The following DIPK1A variants were observed in gnomAD, a reference collection of about 807,000 sequenced individuals.
DIPK1A encodes the protein family with sequence similarity 69 member A.
DIPK1A carries 27 observed loss-of-function variants against 40.8 expected under a neutral mutation model. The observed-to-expected ratio is 0.66, with a 90% CI of 0.49 to 0.91. DIPK1A has a LOEUF of 0.91. DIPK1A is among the 40% of genes least tolerant of loss of function. DIPK1A has a pLI of 0.00. For synonymous variants in DIPK1A, 166 were observed against 171.3 expected (o/e 0.97, Z 0.24); for missense variants, 412 against 505.7 (o/e 0.81, Z 1.78).
chr1:92,843,270 G>T lies in DIPK1A; in HGVS notation c.*113C>A, dbSNP rs762574479. On this transcript the variant is annotated 3_prime_UTR_variant, in exon 5 of 5. Transcript: ENST00000370310. ...ACATACTGATGGCTTCTCAGGCCTG[G>T]GGGGAAGGAGTTTTGTGTAACTGGC... 24 of 1,450,914 alleles carry T rather than the reference G, an allele frequency of 1.7e-5. No individual in the cohort carries two copies. Among genetic ancestry groups the T allele is most frequent in the Non-Finnish European group, 1.6e-5 (18 of 1,103,156 alleles). 89.9% of individuals were successfully genotyped at this position (1,450,914 alleles called of 1,614,324 possible).
intron 2 of DIPK1A, among the ~76,000 whole-genome samples, chr1:92,859,070 C>A (rs554365611): frequency 6.6e-6 from 1 of 152,260 alleles, no homozygotes; most frequent in Admixed American, 6.5e-5. Flanking sequence ...TTTGACGAAA[C>A]CCACCCGAGT....
At chr1:92,858,255 C>CT (rs1408402568) in intron 2 of DIPK1A, among the ~76,000 whole-genome samples, 1 of 152,196 alleles carries the variant, frequency 6.6e-6, no homozygotes, top group Non-Finnish European at 1.5e-5. Flanking sequence ...AAACATGACT[C>CT]TTTCCACAAC....
chr1:92,945,200 T>C (rs1350973719), intron 1 of DIPK1A, among the ~76,000 whole-genome samples: 2 of 151,024 alleles, frequency 1.3e-5, no homozygotes, highest in South Asian at 2.1e-4. Context: ...CCACAGAATA[T>C]GAAATATAAG....
Position 92,927,364 on chromosome 1 carries a change from G to T in DIPK1A, c.54+34012C>A, listed in dbSNP as rs113539011. ...TGCATGCCACCATGCCAATTTTGTT[G>T]TTTTTTTTTTTTTTTTTTTTTTTGC... On this transcript the variant is annotated intron_variant, in intron 1 of 4. Transcript: ENST00000370310. Among the ~76,000 whole-genome samples the T allele has an allele frequency of 6.7e-3, 703 of 104,540 alleles. 17 individuals are homozygous for T. The highest frequency in any genetic ancestry group is 0.02 in the South Asian group (48 of 2,414). The allele number at this position is 104,540 out of a possible 152,430, so 68.6% of individuals were successfully genotyped here.
chr1:92,946,858 C>A (rs1422864475), intron 1 of DIPK1A, among the ~76,000 whole-genome samples: 1 of 151,574 alleles, frequency 6.6e-6, no homozygotes, highest in Admixed American at 6.6e-5. Flanking sequence ...GTGGGAGGAT[C>A]TCCCGAGCCT....
rs1239057962 is a variant in DIPK1A, at chr1:92,881,884, A to C, written c.55-5454T>G. On this transcript the variant is annotated intron_variant, in intron 1 of 4. Transcript: ENST00000370310. ...TTCTTCTCTTAATTTTCTATAACAA[A>C]TATGTATTACTTTTTTAGTTAGAAA... Among the ~76,000 whole-genome samples, 4 of 152,160 alleles carry C rather than the reference A, an allele frequency of 2.6e-5. No homozygotes were observed. In the East Asian group the frequency reaches 5.8e-4, roughly 22 times the overall value.
At chr1:92,865,680 G>C (rs780440011) in intron 2 of DIPK1A, among the ~76,000 whole-genome samples, 22 of 152,172 alleles carry the variant, frequency 1.4e-4, no homozygotes, top group Non-Finnish European at 2.5e-4. Flanking sequence ...ACTGAAAACA[G>C]TAAACTTGAA....
rs149517454 is a variant in DIPK1A, at chr1:92,928,150, C to G, written c.54+33226G>C. Among the ~76,000 whole-genome samples the G allele has an allele frequency of 3.2e-3, 484 of 152,292 alleles. 3 individuals are homozygous for G. Among genetic ancestry groups the G allele is most frequent in the African/African-American group, 0.011 (449 of 41,558 alleles). ...TTCTATCTTTTTTATTATAGCCATC[C>G]TAGTGGATGTGAACTAGTATTTTGT... On this transcript the variant is annotated intron_variant, in intron 1 of 4. Transcript: ENST00000370310.
rs148916481 is a variant in DIPK1A at position 92,860,646 on chromosome 1, A to AAAAAAAAAAAAAAATAGCCAGGTG, written c.190-9692_190-9691insCACCTGGCTATTTTTTTTTTTTTT. 1.2e-4 allele frequency among the ~76,000 whole-genome samples: 13 copies of AAAAAAAAAAAAAAATAGCCAGGTG among 105,214 alleles called. 4 individuals carry two copies. The highest frequency in any genetic ancestry group is 5.8e-4 in the East Asian group (2 of 3,436). 69.0% of individuals were successfully genotyped at this position (105,214 alleles called of 152,430 possible). The stretch of plus-strand genomic sequence containing the variant: ...TTCTACTAAAAAAAAAAAAAAAAAA[A>AAAAAAAAAAAAAAATAGCCAGGTG]TGGTGGTGTGCACCTTAGTCCCAGC... On this transcript the variant is annotated intron_variant, in intron 2 of 4. Coordinates refer to ENST00000370310, the MANE Select transcript of DIPK1A (RefSeq NM_001006605.5).
downstream of DIPK1A, among the ~76,000 whole-genome samples, chr1:92,839,826 ATTTTTC>A (rs1687280467): frequency 6.6e-6 from 1 of 151,570 alleles, no homozygotes; most frequent in East Asian, 1.9e-4. Context: ...GTACATGCAG[ATTTTTC>A]TTTTTGTTTT....
intron 4 of DIPK1A, chr1:92,836,042 T>C (rs971609971): frequency 2.8e-6 from 2 of 706,096 alleles, no homozygotes; most frequent in African/African-American, 3.6e-5. Flanking sequence ...TAAAAATTCA[T>C]GAGCAAGTGG....
intron 1 of DIPK1A, among the ~76,000 whole-genome samples, chr1:92,912,067 T>A (rs2100837906): frequency 6.6e-6 from 1 of 151,116 alleles, no homozygotes; most frequent in Non-Finnish European, 1.5e-5. Flanking sequence ...TGCCAAACTA[T>A]TTTGCAGAGT....
chr1:92,840,210 T>G (rs1391228928), downstream of DIPK1A: 1 of 294,850 alleles, frequency 3.4e-6, no homozygotes, highest in Non-Finnish European at 6.5e-6. Context: ...CAGGTCTCAC[T>G]GTGTTGCCTT....
At position 92,834,047 on chromosome 1, in the gene DIPK1A, A is replaced by T. The variant is rs559377519; in HGVS notation, c.475-1013T>A. The T allele has an allele frequency of 6.8e-6, 2 of 293,264 alleles. No homozygotes were observed. Among genetic ancestry groups the T allele is most frequent in the African/African-American group, 4.4e-5 (2 of 45,528 alleles). The allele number at this position is 293,264 out of a possible 1,614,324, so 18.2% of individuals were successfully genotyped here. On this transcript the variant is annotated intron_variant, in intron 4 of 4. Coordinates refer to the DIPK1A transcript ENST00000615519. ...CCGAGGTTGAGGCTGCAGTGAAGTGAGATCACACCCAGCCCTCCAACCTAG... is the reference window on the plus strand; with the variant it reads ...CCGAGGTTGAGGCTGCAGTGAAGTGTGATCACACCCAGCCCTCCAACCTAG...
chr1:92,855,279 A>G (rs1180348896), intron 2 of DIPK1A, among the ~76,000 whole-genome samples: 1 of 152,212 alleles, frequency 6.6e-6, no homozygotes, highest in Non-Finnish European at 1.5e-5. Context: ...AGCAGTTCTT[A>G]CAGTGAAAAT....
intron 1 of DIPK1A, among the ~76,000 whole-genome samples, chr1:92,899,427 C>G (rs1649317479): frequency 6.6e-6 from 1 of 152,312 alleles, no homozygotes; most frequent in East Asian, 1.9e-4. Flanking sequence ...CACTTTCAGT[C>G]TATATGTGTC....
At chr1:92,904,851 C>G (rs957248730) in intron 1 of DIPK1A, among the ~76,000 whole-genome samples, 2 of 152,008 alleles carry the variant, frequency 1.3e-5, no homozygotes, top group Non-Finnish European at 2.9e-5. Context: ...TTACTCTTTA[C>G]AAGTTCGATT....
intron 4 of DIPK1A, among the ~76,000 whole-genome samples, chr1:92,846,846 T>TCAC (rs1557449955): frequency 7.8e-4 from 1 of 1,282 alleles, no homozygotes; most frequent in African/African-American, 6.0e-3. Flanking sequence ...TATATATGTG[T>TCAC]GTATATATAT....
chr1:92,845,776 A>G (rs1330580655), intron 4 of DIPK1A, among the ~76,000 whole-genome samples: 4 of 151,776 alleles, frequency 2.6e-5, no homozygotes, highest in African/African-American at 9.7e-5. Context: ...GCAAGGTTGC[A>G]GTGAGCTGAG....
Sources: gnomAD v4.1 joint callset for allele counts (sites outside exome capture counted in the v4.1 genomes callset) on GRCh38, gnomAD v4.1.1 for gene constraint, MANE v1.5 for transcripts, NCBI Gene and HGNC (gene_info 2026-07-23, HGNC 2026-07-21) for gene names.